METRNL: variants seen among roughly 807,000 people sequenced by gnomAD.
METRNL encodes the protein meteorin-like protein.
Under a neutral mutation model 17.4 loss-of-function variants are expected in METRNL, and 9 were observed. The observed-to-expected ratio is 0.52, with a 90% CI of 0.31 to 0.90. The LOEUF is 0.90. METRNL is among the 40% of genes least tolerant of loss of function. The pLI is 0.05. For missense variants in METRNL, 408 were observed against 430.7 expected (o/e 0.95, Z 0.47); for synonymous variants, 215 against 199.3 (o/e 1.08, Z -0.66).
intron 2 of METRNL, among the ~76,000 whole-genome samples, chr17:83,090,656 C>T (rs1052389449): frequency 6.6e-5 from 10 of 150,624 alleles, no homozygotes; most frequent in Non-Finnish European, 1.0e-4. Context: ...AGGGGACCCT[C>T]GGGTGGACTG....
intron 3 of METRNL, 71 bp downstream of exon 3, chr17:83,093,297 G>A (rs1600494977): frequency 7.5e-7 from 1 of 1,338,946 alleles, no homozygotes; most frequent in Non-Finnish European, 1.1e-6. Flanking sequence ...TTTGGGCCCA[G>A]GAGTCCCTCT....
intron 2 of METRNL, among the ~76,000 whole-genome samples, chr17:83,088,788 C>T (rs1041755937): frequency 3.9e-5 from 6 of 152,086 alleles, no homozygotes; most frequent in South Asian, 2.1e-4. Flanking sequence ...TGCCGATGAG[C>T]CCCCTCCAGG....
chr17:83,094,321 C>T lies in METRNL; in HGVS notation c.682C>T (p.Arg228Cys), dbSNP rs759467424. ...PERQDSAIHL[R>C]VSRLYRQKSR... is the part of the protein sequence containing the mutation. Reference sequence around the variant, plus strand: ...GCGGCAGGACTCAGCCATCCACCTGCGCGTGAGCAGACTCTATCGGCAGAA... The same window carrying T: ...GCGGCAGGACTCAGCCATCCACCTGTGCGTGAGCAGACTCTATCGGCAGAA... Residue 228 changes from arginine (R) to cysteine (C), a missense_variant, in exon 4 of 4, where the codon CGC becomes TGC. Coordinates refer to ENST00000320095, the MANE Select transcript of METRNL (RefSeq NM_001004431.3). The T allele has an allele frequency of 4.4e-6, 7 of 1,607,620 alleles. No homozygotes were observed. Among genetic ancestry groups the T allele is most frequent in the Admixed American group, 3.4e-5 (2 of 59,678 alleles).
chr17:83,082,171 C>T, intron 1 of METRNL: 1 of 985,470 alleles, frequency 1.0e-6, no homozygotes. Flanking sequence ...CATGAACTTT[C>T]CCACTTGCTG....
At position 83,081,161 on chromosome 17, in the gene METRNL, G is replaced by C. The variant is rs1416813217; in HGVS notation, c.170+1176G>C. Among the ~76,000 whole-genome samples, 4 of 151,932 alleles carry C rather than the reference G, an allele frequency of 2.6e-5. No individual in the cohort carries two copies. In the East Asian group the frequency reaches 7.8e-4, roughly 30 times the overall value. ...GGCCGCCTCCCTTCTCGGCCGAGCG[G>C]GGCCGCGGGCGGATGGAGGTCTGGG... On this transcript the variant is annotated intron_variant, in intron 1 of 3. Coordinates refer to ENST00000320095, the MANE Select transcript of METRNL (RefSeq NM_001004431.3).
chr17:83,082,375 C>T, intron 1 of METRNL: 1 of 419,534 alleles, frequency 2.4e-6, no homozygotes, highest in South Asian at 1.0e-4. Flanking sequence ...CTGCGCCCCC[C>T]TTCAGTGAGT....
intron 1 of METRNL, among the ~76,000 whole-genome samples, chr17:83,080,568 C>A (rs1479688783): frequency 1.7e-5 from 2 of 120,850 alleles, no homozygotes; most frequent in Non-Finnish European, 3.7e-5. Context: ...CTGGGCGACC[C>A]CCCCCCCCCC....
At chr17:83,087,544 G>A (rs796665030) in intron 2 of METRNL, among the ~76,000 whole-genome samples, 12 of 152,332 alleles carry the variant, frequency 7.9e-5, no homozygotes, top group African/African-American at 2.9e-4. Context: ...TCTCCCCAGG[G>A]TATTCGCCTT....
At chr17:83,082,564 C>T (rs1207247716) in intron 1 of METRNL, among the ~76,000 whole-genome samples, 2 of 152,264 alleles carry the variant, frequency 1.3e-5, no homozygotes, top group African/African-American at 4.8e-5. Flanking sequence ...CTGCACGCTT[C>T]AGTTTTATCA....
intron 2 of METRNL, among the ~76,000 whole-genome samples, chr17:83,087,713 G>A (rs1600488544): frequency 1.3e-5 from 2 of 152,120 alleles, no homozygotes; most frequent in African/African-American, 2.4e-5. Context: ...CTTGCCTCCC[G>A]TTCCTGCACT....
intron 2 of METRNL, among the ~76,000 whole-genome samples, chr17:83,086,521 C>G (rs530101970): frequency 1.3e-5 from 2 of 152,288 alleles, no homozygotes; most frequent in Admixed American, 6.5e-5. Flanking sequence ...CAGCCTTGCT[C>G]TGGGGGCCCT....
chr17:83,087,829 G>A (rs1600488633), intron 2 of METRNL, among the ~76,000 whole-genome samples: 1 of 152,174 alleles, frequency 6.6e-6, no homozygotes. Context: ...CACGGGAGGT[G>A]GACGAGCTCG....
At chr17:83,090,786 T>C (rs1049772876) in intron 2 of METRNL, among the ~76,000 whole-genome samples, 1 of 151,774 alleles carries the variant, frequency 6.6e-6, no homozygotes, top group Non-Finnish European at 1.5e-5. Flanking sequence ...TGGCGTGCAG[T>C]CTCACCTGTG....
In METRNL at chr17:83,094,524, C is replaced by T. The variant is rs1324402036; in HGVS notation, c.885C>T (p.Tyr295=). 2 of 1,534,502 alleles carry T rather than the reference C, an allele frequency of 1.3e-6. No individual in the cohort carries two copies. The highest frequency in any genetic ancestry group is 8.8e-7 in the Non-Finnish European group (1 of 1,134,194). The change falls in exon 4 of 4, where the codon TAC becomes TAT. Residue 295 remains tyrosine, a synonymous_variant. Transcript: ENST00000320095. ...APRFKDFQRM[Y]RDAQERGLNP... is the part of the protein sequence containing the mutation. ...GCTTCAAGGACTTCCAGAGGATGTA[C>T]AGGGATGCCCAGGAGAGGGGGCTGA...
rs2037959332 is a variant in METRNL, at chr17:83,079,782, A to C, written c.-34A>C. The C allele has an allele frequency of 1.1e-6, 1 of 947,038 alleles. No individual in the cohort carries two copies. Among genetic ancestry groups the C allele is most frequent in the Non-Finnish European group, 1.2e-6 (1 of 807,684 alleles). The allele number at this position is 947,038 out of a possible 1,614,324, so 58.7% of individuals were successfully genotyped here. A position where few individuals can be genotyped will look rare whatever the true frequency, so the allele number is the denominator to read the frequency against. On this transcript the variant is annotated 5_prime_UTR_variant, in exon 1 of 4. Coordinates refer to ENST00000320095, the MANE Select transcript of METRNL (RefSeq NM_001004431.3). Reference sequence around the variant, plus strand: ...CCGGGGTCTGCTCCGGGGGTCGCGGACGCGGGGCCGGGCGGCGGAGCCGGC... The same window carrying C: ...CCGGGGTCTGCTCCGGGGGTCGCGGCCGCGGGGCCGGGCGGCGGAGCCGGC...
intron 2 of METRNL, among the ~76,000 whole-genome samples, chr17:83,085,749 C>T (rs559154226): frequency 6.6e-6 from 1 of 152,200 alleles, no homozygotes; most frequent in African/African-American, 2.4e-5. Flanking sequence ...AGTGCTGGGT[C>T]GGACGCGCCC....
At chr17:83,081,016 C>T (rs1160030119) in intron 1 of METRNL, among the ~76,000 whole-genome samples, 2 of 151,696 alleles carry the variant, frequency 1.3e-5, no homozygotes, top group Non-Finnish European at 2.9e-5. Flanking sequence ...GTTCCGGGTC[C>T]CCGCGAAGCC....
intron 1 of METRNL, among the ~76,000 whole-genome samples, chr17:83,083,864 A>C (rs779613969): frequency 6.6e-6 from 1 of 152,224 alleles, no homozygotes; most frequent in Non-Finnish European, 1.5e-5. Context: ...ATGTGGGTGA[A>C]CCTGTCTGAG....
At chr17:83,087,961 G>C (rs558260500) in intron 2 of METRNL, among the ~76,000 whole-genome samples, 1 of 152,326 alleles carries the variant, frequency 6.6e-6, no homozygotes, top group Non-Finnish European at 1.5e-5. Context: ...GAAATCCCCC[G>C]CTCCGGTGGG....
Sources: gnomAD v4.1 joint callset for allele counts (sites outside exome capture counted in the v4.1 genomes callset) on GRCh38, gnomAD v4.1.1 for gene constraint, MANE v1.5 for transcripts, NCBI Gene and HGNC (gene_info 2026-07-23, HGNC 2026-07-21) for gene names.